The following NCALD variants were observed in gnomAD, a reference collection of about 807,000 sequenced individuals.
NCALD encodes the protein neurocalcin-delta.
A neutral mutation model predicts 18.6 loss-of-function variants in NCALD; 10 were observed. The observed-to-expected ratio is 0.54, with a 90% CI of 0.33 to 0.91. The LOEUF is 0.91. Among genes scored for constraint, NCALD ranks in the 40% least tolerant of loss-of-function variants. NCALD has a pLI of 0.03. For missense variants in NCALD, 184 were observed against 247.6 expected (o/e 0.74, Z 1.72); for synonymous variants, 88 against 87.4 (o/e 1.01, Z -0.04).
chr8:102,004,144 C>T (rs983086847), intron 2 of NCALD, among the ~76,000 whole-genome samples: 3 of 151,492 alleles, frequency 2.0e-5, no homozygotes, highest in African/African-American at 7.3e-5. Flanking sequence ...TGTCTCAGCC[C>T]AAAATCTCCT....
upstream of NCALD, among the ~76,000 whole-genome samples, chr8:101,793,349 C>CAAAA (rs945645876): frequency 1.3e-5 from 1 of 75,698 alleles, no homozygotes; most frequent in Admixed American, 1.4e-4. Flanking sequence ...GACTCCGTCT[C>CAAAA]AAAAAAAAAA....
chr8:101,997,471 ACAT>A (rs1165969259), intron 2 of NCALD, among the ~76,000 whole-genome samples: 1 of 152,226 alleles, frequency 6.6e-6, no homozygotes, highest in Non-Finnish European at 1.5e-5. Context: ...TAAGACAAAA[ACAT>A]CACTGCAGAT....
intron 2 of NCALD, among the ~76,000 whole-genome samples, chr8:101,925,568 A>G (rs1157233475): frequency 6.6e-6 from 1 of 152,072 alleles, no homozygotes; most frequent in Non-Finnish European, 1.5e-5. Flanking sequence ...GTATTTATTT[A>G]TTTATTTATG....
intron 1 of NCALD, chr8:101,721,100 G>C (rs1188258207): frequency 6.6e-6 from 1 of 152,178 alleles, no homozygotes; most frequent in African/African-American, 2.4e-5. Flanking sequence ...TATGATTGAA[G>C]TGTGGTCAAG....
intron 4 of NCALD, among the ~76,000 whole-genome samples, chr8:101,823,681 AC>A (rs201889463): frequency 0.015 from 2,358 of 152,306 alleles, 90 homozygotes; most frequent in East Asian, 0.12. Context: ...ATATTAGAAA[AC>A]TATCAAGACT....
intron 4 of NCALD, among the ~76,000 whole-genome samples, chr8:101,796,336 C>T (rs1812637755): frequency 6.6e-6 from 1 of 152,178 alleles, no homozygotes; most frequent in South Asian, 2.1e-4. Context: ...ATAGGTCTAA[C>T]TGACCACAAT....
chr8:101,982,123 T>G (rs2131944044), intron 2 of NCALD, among the ~76,000 whole-genome samples: 1 of 152,316 alleles, frequency 6.6e-6, no homozygotes, highest in African/African-American at 2.4e-5. Flanking sequence ...TCCTGAGGCC[T>G]CATCAGAAGC....
intron 3 of NCALD, among the ~76,000 whole-genome samples, chr8:101,902,065 A>G (rs1045872783): frequency 6.6e-6 from 1 of 152,230 alleles, no homozygotes; most frequent in African/African-American, 2.4e-5. Flanking sequence ...TGCTGGGATT[A>G]CAGGCGTGAG....
chr8:102,002,973 G>A (rs368122822), intron 2 of NCALD, among the ~76,000 whole-genome samples: 5 of 151,900 alleles, frequency 3.3e-5, no homozygotes, highest in South Asian at 4.2e-4. Flanking sequence ...AAGAACTAGA[G>A]AAGCAAGAGC....
At chr8:102,072,457 AT>A (rs1417028814) in intron 1 of NCALD, among the ~76,000 whole-genome samples, 1 of 152,122 alleles carries the variant, frequency 6.6e-6, no homozygotes, top group African/African-American at 2.4e-5. Context: ...ATAGTCAACC[AT>A]TTTTCAACCT....
At chr8:102,098,351 A>G (rs1006534962) in intron 1 of NCALD, among the ~76,000 whole-genome samples, 2 of 152,088 alleles carry the variant, frequency 1.3e-5, no homozygotes, top group Non-Finnish European at 2.9e-5. Context: ...CAGTTTGACA[A>G]TGGTGCATTC....
chr8:101,702,289 G>C (rs1417873004), intron 2 of NCALD, among the ~76,000 whole-genome samples: 2 of 151,540 alleles, frequency 1.3e-5, no homozygotes, highest in African/African-American at 4.9e-5. Flanking sequence ...GGAATGCAGT[G>C]GCGTGATGAT....
At chr8:101,869,880 T>G (rs1815933120) in intron 4 of NCALD, among the ~76,000 whole-genome samples, 1 of 152,206 alleles carries the variant, frequency 6.6e-6, no homozygotes, top group Non-Finnish European at 1.5e-5. Flanking sequence ...TTTAATCCAA[T>G]CATGATAAAC....
At chr8:101,986,109 C>A (rs1177711128) in intron 2 of NCALD, among the ~76,000 whole-genome samples, 1 of 152,106 alleles carries the variant, frequency 6.6e-6, no homozygotes, top group Non-Finnish European at 1.5e-5. Flanking sequence ...TGGCTCACTG[C>A]AACCTCCGCC....
chr8:101,828,245 G>C (rs1467867956), intron 4 of NCALD, among the ~76,000 whole-genome samples: 1 of 152,096 alleles, frequency 6.6e-6, no homozygotes, highest in Non-Finnish European at 1.5e-5. Flanking sequence ...AACCCTCCAG[G>C]GACTTCCCAT....
intron 2 of NCALD, among the ~76,000 whole-genome samples, chr8:101,949,226 G>A (rs190015332): frequency 5.1e-4 from 78 of 152,246 alleles, no homozygotes; most frequent in African/African-American, 1.8e-3. Context: ...ATCCTGTGAG[G>A]AAAGAGAGCT....
intron 2 of NCALD, among the ~76,000 whole-genome samples, chr8:101,976,940 G>A (rs1232231173): frequency 6.6e-6 from 1 of 151,758 alleles, no homozygotes; most frequent in East Asian, 1.9e-4. Context: ...AAGAGGAAGT[G>A]GGGGCCAGGG....
chr8:101,946,809 CAAAAAAAAAAAAA>C (rs71268537), intron 2 of NCALD, among the ~76,000 whole-genome samples: 3 of 65,664 alleles, frequency 4.6e-5, no homozygotes, highest in African/African-American at 1.9e-4. Flanking sequence ...CATCAATTAG[CAAAAAAAAAAAAA>C]AAAAAAAAAA....
At chr8:102,055,326 G>A (rs1823614316) in intron 1 of NCALD, among the ~76,000 whole-genome samples, 1 of 151,338 alleles carries the variant, frequency 6.6e-6, no homozygotes, top group Non-Finnish European at 1.5e-5. Flanking sequence ...TCCTAGGGAG[G>A]TGCAGCCACT....
Sources: gnomAD v4.1 joint callset for allele counts (sites outside exome capture counted in the v4.1 genomes callset) on GRCh38, gnomAD v4.1.1 for gene constraint, MANE v1.5 for transcripts, NCBI Gene and HGNC (gene_info 2026-07-23, HGNC 2026-07-21) for gene names.